The following RCAN1 variants were observed in gnomAD, a reference collection of about 807,000 sequenced individuals.
The protein encoded by RCAN1 is regulator of calcineurin 1.
A neutral mutation model predicts 22.9 loss-of-function variants in RCAN1; 11 were observed. The ratio of observed to expected loss-of-function variants is 0.48; its 90% CI spans 0.30 to 0.79. RCAN1 has a LOEUF of 0.79. Ranked by LOEUF, RCAN1 falls within the 30% of genes least tolerant of loss-of-function variation. The pLI is 0.06. For missense variants in RCAN1, 291 were observed against 337.8 expected, an observed-to-expected ratio of 0.86 and a Z score of 1.09; for synonymous variants, 136 against 142.3, an observed-to-expected ratio of 0.96 and a Z score of 0.32.
intron 1 of RCAN1, among the ~76,000 whole-genome samples, chr21:34,603,456 A>T (rs1250887524): frequency 6.6e-6 from 1 of 152,198 alleles, no homozygotes; most frequent in African/African-American, 2.4e-5. Flanking sequence ...TTGGAGAATT[A>T]AGTGGGCAGA....
chr21:34,543,196 C>G (rs1985995181), intron 1 of RCAN1, among the ~76,000 whole-genome samples: 1 of 152,208 alleles, frequency 6.6e-6, no homozygotes, highest in South Asian at 2.1e-4. Context: ...GTCCCTGGAG[C>G]TTGTAAATAT....
At chr21:34,613,932 C>A in intron 1 of RCAN1, 2 of 1,166,308 alleles carry the variant, frequency 1.7e-6, no homozygotes, top group Non-Finnish European at 2.3e-6. Flanking sequence ...TCTCAAAGAC[C>A]GGTTTCATTC....
At chr21:34,545,316 T>C (rs1482420930) in intron 1 of RCAN1, among the ~76,000 whole-genome samples, 2 of 152,120 alleles carry the variant, frequency 1.3e-5, no homozygotes, top group Non-Finnish European at 2.9e-5. Context: ...CAGAGGACAA[T>C]CTGAACACCA....
At chr21:34,554,886 A>G (rs144026648) in intron 1 of RCAN1, among the ~76,000 whole-genome samples, 61 of 152,330 alleles carry the variant, frequency 4.0e-4, no homozygotes, top group African/African-American at 1.3e-3. Flanking sequence ...GGAAACTCCC[A>G]TTTTTAAAAC....
At chr21:34,564,326 C>T (rs1053598656) in intron 1 of RCAN1, among the ~76,000 whole-genome samples, 2 of 151,968 alleles carry the variant, frequency 1.3e-5, no homozygotes, top group African/African-American at 4.8e-5. Flanking sequence ...GATCACAGGG[C>T]AGGAAATGAA....
chr21:34,566,013 C>T (rs16991912), intron 1 of RCAN1, among the ~76,000 whole-genome samples: 1,686 of 152,238 alleles, frequency 0.011, 62 homozygotes, highest in East Asian at 0.1. Flanking sequence ...GAACCTGCTA[C>T]GTCTCTGGAA....
chr21:34,555,239 A>G (rs1031834097), intron 1 of RCAN1, among the ~76,000 whole-genome samples: 1 of 152,220 alleles, frequency 6.6e-6, no homozygotes, highest in Non-Finnish European at 1.5e-5. Context: ...TCTTATTTGG[A>G]TTCTAACGCA....
chr21:34,530,625 T>TTTTTTTTGTTTTG (rs1985336391), intron 1 of RCAN1, among the ~76,000 whole-genome samples: 9 of 72,018 alleles, frequency 1.2e-4, no homozygotes, highest in Middle Eastern at 6.8e-3. Flanking sequence ...AGTTTTTTTT[T>TTTTTTTTGTTTTG]TTTTTTTTTT....
At chr21:34,609,891 C>T (rs527984802) in intron 1 of RCAN1, among the ~76,000 whole-genome samples, 3 of 152,308 alleles carry the variant, frequency 2.0e-5, no homozygotes, top group Admixed American at 2.0e-4. Context: ...AAACTTCGCA[C>T]ATATGTAACA....
intron 1 of RCAN1, among the ~76,000 whole-genome samples, chr21:34,533,382 GT>G (rs1490542377): frequency 8.6e-5 from 13 of 151,942 alleles, no homozygotes; most frequent in Non-Finnish European, 1.6e-4. Flanking sequence ...TTATTTTGGG[GT>G]TTTTTTAATC....
chr21:34,558,083 T>C (rs973504306), intron 1 of RCAN1, among the ~76,000 whole-genome samples: 1 of 152,182 alleles, frequency 6.6e-6, no homozygotes, highest in African/African-American at 2.4e-5. Context: ...AAGTTCAAGC[T>C]GTTGAGGAGG....
intron 1 of RCAN1, among the ~76,000 whole-genome samples, chr21:34,582,293 A>G (rs1233087683): frequency 6.6e-6 from 1 of 152,162 alleles, no homozygotes; most frequent in Non-Finnish European, 1.5e-5. Flanking sequence ...GTTCTAGCAA[A>G]CACAGACAAC....
intron 1 of RCAN1, among the ~76,000 whole-genome samples, chr21:34,577,784 C>T (rs1987460060): frequency 6.6e-6 from 1 of 152,144 alleles, no homozygotes; most frequent in South Asian, 2.1e-4. Flanking sequence ...GCTGAAACAT[C>T]ACTGCTTAGG....
chr21:34,574,849 C>T (rs1987357839), intron 1 of RCAN1, among the ~76,000 whole-genome samples: 1 of 152,232 alleles, frequency 6.6e-6, no homozygotes, highest in South Asian at 2.1e-4. Flanking sequence ...TCACCAGCTG[C>T]TTAGCTGGCA....
In RCAN1 at chr21:34,599,453, G is replaced by A. The variant is rs200774623; in HGVS notation, c.252+15307C>T. Among the ~76,000 whole-genome samples the A allele has an allele frequency of 2.4e-4, 36 of 152,252 alleles. 2 individuals are homozygous for A. In the East Asian group the frequency reaches 6.7e-3, roughly 29 times the overall value. On this transcript the variant is annotated intron_variant, in intron 1 of 3. Coordinates refer to ENST00000313806, the MANE Select transcript of RCAN1 (RefSeq NM_004414.7). Reference sequence around the variant, plus strand: ...CACGCCACTGCACTCCAGCCTGGGCGACAGAGTGAGACTGTTTCAGAAAAA... The same window carrying A: ...CACGCCACTGCACTCCAGCCTGGGCAACAGAGTGAGACTGTTTCAGAAAAA...
intron 1 of RCAN1, among the ~76,000 whole-genome samples, chr21:34,529,960 T>C (rs1360538202): frequency 6.6e-6 from 1 of 152,246 alleles, no homozygotes; most frequent in Non-Finnish European, 1.5e-5. Context: ...TTTCCCTTGC[T>C]GCCGCCATGT....
chr21:34,614,901 C>A lies in RCAN1; in HGVS notation c.111G>T (p.Ser37=). 1.4e-6 allele frequency: 2 copies of A among 1,429,484 alleles called. No individual in the cohort carries two copies. Among genetic ancestry groups the A allele is most frequent in the East Asian group, 3.3e-5 (1 of 30,070 alleles). The allele number at this position is 1,429,484 out of a possible 1,614,324, so 88.6% of individuals were successfully genotyped here. The change falls in exon 1 of 4, where the codon TCG becomes TCT. Residue 37 remains serine, a synonymous_variant. Transcript: ENST00000313806. This position sits in a 1 kb window ranked among gnomAD's most constrained non-coding sequence, Gnocchi z 6.0. ...GVTLRPFAPL[S]GAAEADEGGG... ...CGCCCTCGTCCGCCTCGGCCGCCCCCGAGAGGGGCGCGAAGGGCCGCAGCG... is the reference window on the plus strand; with the variant it reads ...CGCCCTCGTCCGCCTCGGCCGCCCCAGAGAGGGGCGCGAAGGGCCGCAGCG...
chr21:34,524,591 C>CAGTCTGTTAT, intron 1 of RCAN1: 1 of 152,542 alleles, frequency 6.6e-6, no homozygotes, highest in East Asian at 1.9e-4. Context: ...TTAAAAATTT[C>CAGTCTGTTAT]CACGATCGCT....
At chr21:34,566,355 C>T (rs1987007729) in intron 1 of RCAN1, among the ~76,000 whole-genome samples, 3 of 152,210 alleles carry the variant, frequency 2.0e-5, no homozygotes, top group Admixed American at 2.0e-4. Context: ...TTCCCTGAGT[C>T]CACATGGCTG....
Sources: allele counts gnomAD v4.1 joint callset (sites outside exome capture counted in the v4.1 genomes callset), GRCh38; gene constraint gnomAD v4.1.1; non-coding constraint Gnocchi (gnomAD v3.1); transcripts MANE v1.5; gene names NCBI Gene and HGNC (gene_info 2026-07-23, HGNC 2026-07-21).